YBX3: variants seen among roughly 807,000 people sequenced by gnomAD.
The protein encoded by YBX3 is Y-box-binding protein 3.
YBX3 carries 29 observed loss-of-function variants against 42.4 expected under a neutral mutation model. The ratio of observed to expected loss-of-function variants is 0.68; its 90% confidence interval spans 0.51 to 0.93. The LOEUF is 0.93. Ranked by LOEUF, YBX3 falls within the 40% of genes least tolerant of loss-of-function variation. The pLI is 0.00. For synonymous variants in YBX3, 195 were observed against 189.8 expected (o/e 1.03, Z -0.22); for missense variants, 517 against 527.5 (o/e 0.98, Z 0.19).
Position 10,723,317 on chromosome 12 carries a change from T to A in YBX3, c.-206A>T. ...GCTCTCTCTTGGGCTCCTCGCTCGA[T>A]CTTACTGCCCCAAAAATGGCCCCGC... On this transcript the variant is annotated 5_prime_UTR_variant, in exon 1 of 10. Transcript: ENST00000228251. The A allele has an allele frequency of 1.2e-6, 1 of 835,066 alleles. No homozygotes were observed. Among genetic ancestry groups the A allele is most frequent in the Non-Finnish European group, 1.5e-6 (1 of 647,730 alleles). 51.7% of individuals were successfully genotyped at this position (835,066 alleles called of 1,614,324 possible). A position where few individuals can be genotyped will look rare whatever the true frequency, so the allele number is the denominator to read the frequency against.
At chr12:10,701,584 T>C (rs1365792439) in intron 8 of YBX3, among the ~76,000 whole-genome samples, 1 of 148,706 alleles carries the variant, frequency 6.7e-6, no homozygotes, top group African/African-American at 2.5e-5. Flanking sequence ...CAAAACAAAA[T>C]TAGTACCATA....
intron 5 of YBX3, chr12:10,712,894 A>G: frequency 4.3e-6 from 1 of 234,444 alleles, no homozygotes; most frequent in Non-Finnish European, 8.2e-6. Flanking sequence ...CGGCTCTGGA[A>G]AAGTTCTGAG....
In YBX3 at chr12:10,711,126, A is replaced by G. The variant is rs542257164; in HGVS notation, c.574-1012T>C. 5.3e-5 allele frequency: 8 copies of G among 152,206 alleles called. No homozygotes were observed. The South Asian group carries it at 1.7e-3, about 32-fold the overall frequency. The allele number at this position is 152,206 out of a possible 1,614,324, so 9.4% of individuals were successfully genotyped here. A position where few individuals can be genotyped will look rare whatever the true frequency, so the allele number is the denominator to read the frequency against. On this transcript the variant is annotated intron_variant, in intron 5 of 9. Coordinates refer to ENST00000228251, the MANE Select transcript of YBX3 (RefSeq NM_003651.5). ...TAAATAATAGATCTTATTAATATTC[A>G]CAAAGGAATTTACCGATTCATTTTA...
chr12:10,707,308 G>A (rs1371183374), intron 6 of YBX3, among the ~76,000 whole-genome samples: 2 of 152,002 alleles, frequency 1.3e-5, no homozygotes, highest in African/African-American at 2.4e-5. Context: ...ATGAGAAAAA[G>A]ACCTCCAAAG....
intron 3 of YBX3, chr12:10,716,288 G>A (rs1948261317): frequency 6.1e-6 from 1 of 163,270 alleles, no homozygotes; most frequent in African/African-American, 2.4e-5. Flanking sequence ...TTTTGCAGAT[G>A]AGTTAACACG....
chr12:10,703,021 C>A (rs1948098614), intron 7 of YBX3: 1 of 152,138 alleles, frequency 6.6e-6, no homozygotes, highest in Admixed American at 6.5e-5. Context: ...CAGGGACTGA[C>A]AAAGCTGAGC....
chr12:10,711,696 T>G (rs917433398), intron 5 of YBX3: 1 of 152,220 alleles, frequency 6.6e-6, no homozygotes. Flanking sequence ...GACTTAGATA[T>G]TACAACAAAA....
chr12:10,710,217 C>T (rs1218939439), intron 5 of YBX3, 103 bp from the exon 6 acceptor site: 3 of 1,535,074 alleles, frequency 2.0e-6, no homozygotes, highest in Non-Finnish European at 2.6e-6. Flanking sequence ...CTCCCCAAAG[C>T]AATATAATCC....
At chr12:10,713,465 T>C in intron 4 of YBX3, 132 bp from the exon 5 acceptor site, 4 of 1,172,846 alleles carry the variant, frequency 3.4e-6, no homozygotes, top group Non-Finnish European at 4.7e-6. Context: ...TAAAAACAGA[T>C]CTAGGTTTTA....
intron 4 of YBX3, among the ~76,000 whole-genome samples, chr12:10,713,806 C>T (rs555944316): frequency 6.6e-6 from 1 of 152,308 alleles, no homozygotes; most frequent in South Asian, 2.1e-4. Context: ...AGTGAAACTT[C>T]TCCTATTTTG....
chr12:10,722,887 G>A lies in YBX3; in HGVS notation c.225C>T (p.Thr75=). The A allele has an allele frequency of 1.4e-6, 2 of 1,462,112 alleles. No homozygotes were observed. Among genetic ancestry groups the A allele is most frequent in the Non-Finnish European group, 1.8e-6 (2 of 1,102,068 alleles). The allele number at this position is 1,462,112 out of a possible 1,614,324, so 90.6% of individuals were successfully genotyped here. Residue 75 remains threonine, a synonymous_variant, in exon 1 of 10, where the codon ACC becomes ACT. Coordinates refer to ENST00000228251, the MANE Select transcript of YBX3 (RefSeq NM_003651.5). The part of the protein sequence containing the change: ...TGTAAAASLA[T]AAGSEDAEKK... ...TCTCCGCGTCTTCGCTGCCGGCGGC[G>A]GTGGCTAAAGAGGCGGCGGCCGCGG...
chr12:10,717,957 T>C (rs1475219124), intron 3 of YBX3, 131 bp downstream of exon 3: 8 of 693,598 alleles, frequency 1.2e-5, no homozygotes, highest in Middle Eastern at 6.6e-4. Flanking sequence ...TGAACTCCTG[T>C]TGCAAAATAA....
chr12:10,716,704 C>G (rs1193268200), intron 3 of YBX3, among the ~76,000 whole-genome samples: 1 of 152,130 alleles, frequency 6.6e-6, no homozygotes, highest in African/African-American at 2.4e-5. Context: ...CAGCCCGTCC[C>G]CTAACTCTGA....
Position 10,701,330 on chromosome 12 carries a change from A to G in YBX3, c.1077T>C (p.Thr359=), listed in dbSNP as rs752371088. ...GCTGGGTGGGTGGAGCAGGGTTCTC[A>G]GTTGGTGCTTCACCTGCCTTGGCCT... ...GKEAKAGEAP[T]ENPAPPTQQS... The change falls in exon 9 of 10, where the codon ACT becomes ACC. Residue 359 remains threonine (T), a synonymous_variant. Transcript: ENST00000228251. The G allele has an allele frequency of 2.6e-6, 2 of 781,074 alleles. No homozygotes were observed. Among genetic ancestry groups the G allele is most frequent in the Non-Finnish European group, 4.8e-6 (2 of 418,126 alleles). The allele number at this position is 781,074 out of a possible 1,614,324, so 48.4% of individuals were successfully genotyped here.
intron 1 of YBX3, among the ~76,000 whole-genome samples, chr12:10,721,672 G>C (rs559049469): frequency 2.4e-4 from 36 of 152,272 alleles, no homozygotes; most frequent in African/African-American, 7.7e-4. Context: ...TCAAGGTGGG[G>C]AATATTGAAT....
rs1948216116 is a variant in YBX3, at chr12:10,712,947, T to C, written c.573+264A>G. 6 of 422,748 alleles carry C rather than the reference T, an allele frequency of 1.4e-5. No individual in the cohort carries two copies. In the South Asian group the frequency reaches 2.3e-4, roughly 16 times the overall value. 26.2% of individuals were successfully genotyped at this position (422,748 alleles called of 1,614,324 possible). On this transcript the variant is annotated intron_variant, in intron 5 of 9. Transcript: ENST00000228251. The stretch of plus-strand genomic sequence containing the variant: ...AAGAGTACCGTGTATACTGCTCCAG[T>C]GATGGGTGCACCAAAATCTCAGAAA...
chr12:10,716,952 G>C (rs1287362233), intron 3 of YBX3, among the ~76,000 whole-genome samples: 1 of 152,164 alleles, frequency 6.6e-6, no homozygotes. Context: ...AATAAAGCCA[G>C]CCACCAATAC....
chr12:10,706,049 T>C (rs1328181878), intron 6 of YBX3, among the ~76,000 whole-genome samples: 6 of 152,232 alleles, frequency 3.9e-5, no homozygotes, highest in Admixed American at 3.9e-4. Context: ...GTTACTAAGA[T>C]ATCACGGCTT....
At chr12:10,705,541 G>A (rs1948127855) in intron 6 of YBX3, among the ~76,000 whole-genome samples, 1 of 152,156 alleles carries the variant, frequency 6.6e-6, no homozygotes, top group South Asian at 2.1e-4. Context: ...TCTCCTCACT[G>A]CATCCTGTCA....
Sources: allele counts gnomAD v4.1 joint callset (sites outside exome capture counted in the v4.1 genomes callset), GRCh38; gene constraint gnomAD v4.1.1; transcripts MANE v1.5; gene names NCBI Gene and HGNC (gene_info 2026-07-23, HGNC 2026-07-21).